The following COPG2 variants were observed in gnomAD, a reference collection of about 807,000 sequenced individuals.
The protein encoded by COPG2 is coat protein complex I subunit gamma 2.
COPG2 carries 37 observed loss-of-function variants against 46.3 expected under a neutral mutation model. That is an observed-to-expected ratio of 0.80 (90% CI 0.61 to 1.05). The LOEUF (loss-of-function observed/expected upper bound fraction) is 1.05, where lower values mean the gene tolerates loss of function less well. Among genes scored for constraint, COPG2 ranks in the 50% least tolerant of loss-of-function variants. COPG2 has a pLI of 0.00. For synonymous variants in COPG2, 159 were observed against 129.7 expected (o/e 1.23, Z -1.53); for missense variants, 427 against 387.8 (o/e 1.10, Z -0.85).
rs373986846 is a variant in COPG2, at chr7:130,508,660, C to A, written c.2150-1G>T. 4 of 761,798 alleles carry A rather than the reference C, an allele frequency of 5.3e-6. No individual in the cohort carries two copies. The highest frequency in any genetic ancestry group is 1.8e-5 in the Admixed American group (1 of 55,650). The allele number at this position is 761,798 out of a possible 1,614,324, so 47.2% of individuals were successfully genotyped here. ...ATGGTGCAGCTAAAGGAGCCTGCAA[C>A]TGGAGGAGAAGGGAGGCAAACCTGC... On this transcript the variant is annotated splice_acceptor_variant, in intron 20 of 23. Coordinates refer to ENST00000425248, the MANE Select transcript of COPG2 (RefSeq NM_012133.6). LOFTEE classifies it high-confidence loss of function.
chr7:130,561,968 C>A (rs1793728590), intron 11 of COPG2, among the ~76,000 whole-genome samples: 1 of 152,154 alleles, frequency 6.6e-6, no homozygotes. Flanking sequence ...AGAGATAACA[C>A]CATATAACCT....
intron 5 of COPG2, among the ~76,000 whole-genome samples, chr7:130,619,148 G>C (rs571281947): frequency 4.6e-5 from 7 of 152,220 alleles, no homozygotes; most frequent in Admixed American, 1.3e-4. Flanking sequence ...TTATCCAACA[G>C]AACTTTTTTC....
At chr7:130,598,991 G>T (rs1794582451) in intron 9 of COPG2, among the ~76,000 whole-genome samples, 1 of 152,116 alleles carries the variant, frequency 6.6e-6, no homozygotes, top group Non-Finnish European at 1.5e-5. Context: ...GTCATGCAAG[G>T]ATTCCAAGCA....
chr7:130,584,293 T>G (rs946146343), intron 9 of COPG2, among the ~76,000 whole-genome samples: 3 of 152,018 alleles, frequency 2.0e-5, no homozygotes, highest in Non-Finnish European at 4.4e-5. Context: ...GCAAAATTGG[T>G]ATACAAGGGA....
intron 20 of COPG2, among the ~76,000 whole-genome samples, chr7:130,528,233 G>C (rs1319625270): frequency 6.6e-6 from 1 of 152,072 alleles, no homozygotes; most frequent in Non-Finnish European, 1.5e-5. Context: ...AGCAGTGAGC[G>C]CTGATGACAA....
intron 5 of COPG2, among the ~76,000 whole-genome samples, chr7:130,641,265 C>T (rs1460140004): frequency 6.6e-6 from 1 of 150,686 alleles, no homozygotes; most frequent in African/African-American, 2.4e-5. Context: ...CCTATAATGA[C>T]ATGTATTTGA....
intron 9 of COPG2, among the ~76,000 whole-genome samples, chr7:130,586,614 C>T (rs1161269729): frequency 2.0e-5 from 3 of 151,932 alleles, no homozygotes; most frequent in Non-Finnish European, 4.4e-5. Flanking sequence ...AGGCACCCGC[C>T]ACCACGCCGG....
Position 130,557,096 on chromosome 7 carries a change from G to A in COPG2, c.1129-1964C>T, listed in dbSNP as rs1793639643. 2.6e-5 allele frequency among the ~76,000 whole-genome samples: 4 copies of A among 152,120 alleles called. No homozygotes were observed. In the South Asian group the frequency reaches 8.3e-4, roughly 32 times the overall value. On this transcript the variant is annotated intron_variant, in intron 12 of 23. Transcript: ENST00000425248. ...AAATATCTTTATTTTTAGATGACAT[G>A]ATGGTATATATGAAAACCCTAGAGA...
chr7:130,644,867 A>G (rs547033866), intron 5 of COPG2, among the ~76,000 whole-genome samples: 1 of 152,056 alleles, frequency 6.6e-6, no homozygotes, highest in East Asian at 1.9e-4. Context: ...TTCGAGACCA[A>G]CCTGGCCAAT....
At chr7:130,633,572 T>C (rs1262874975) in intron 5 of COPG2, among the ~76,000 whole-genome samples, 1 of 152,180 alleles carries the variant, frequency 6.6e-6, no homozygotes, top group African/African-American at 2.4e-5. Context: ...TTTGATGGGG[T>C]GGTTTTTTTC....
chr7:130,586,493 C>T (rs1239776434), intron 9 of COPG2, among the ~76,000 whole-genome samples: 2 of 151,986 alleles, frequency 1.3e-5, no homozygotes, highest in Non-Finnish European at 2.9e-5. Flanking sequence ...GACAGAGTCT[C>T]GCTGTGTTGC....
chr7:130,563,068 G>C (rs1319673276), intron 11 of COPG2, among the ~76,000 whole-genome samples: 2 of 152,140 alleles, frequency 1.3e-5, no homozygotes, highest in African/African-American at 4.8e-5. Context: ...AAAATGCTTA[G>C]AAGTCAGAAA....
chr7:130,638,076 C>T (rs569236339), intron 5 of COPG2, among the ~76,000 whole-genome samples: 11 of 152,254 alleles, frequency 7.2e-5, no homozygotes, highest in African/African-American at 2.2e-4. Flanking sequence ...CAAAGATTGC[C>T]GCCTGTTCCT....
At chr7:130,568,681 G>A (rs1003490993) in intron 9 of COPG2, among the ~76,000 whole-genome samples, 148 of 152,136 alleles carry the variant, frequency 9.7e-4, no homozygotes, top group African/African-American at 3.2e-3. Context: ...AAGAAACAAC[G>A]GACTTAAACT....
In COPG2 at chr7:130,509,029, AAAAAAAAAAAC is replaced by A. The variant is rs573282010; in HGVS notation, c.2150-381_2150-371del. On this transcript the variant is annotated intron_variant, in intron 20 of 23. Transcript: ENST00000425248. ...AGAACCACTGCTGTAGGACCTGACCAAAAAAAAAAACAAAAAAAAAACCTGTGGTAAAAAGC... is the reference window on the plus strand; with the variant it reads ...AGAACCACTGCTGTAGGACCTGACCAAAAAAAAAAACCTGTGGTAAAAAGC... The A allele has an allele frequency of 3.3e-4, 133 of 397,650 alleles. No homozygotes were observed. The Middle Eastern group carries it at 3.7e-3, about 11-fold the overall frequency. 24.6% of individuals were successfully genotyped at this position (397,650 alleles called of 1,614,324 possible). A position where few individuals can be genotyped will look rare whatever the true frequency, so the allele number is the denominator to read the frequency against.
intron 20 of COPG2, among the ~76,000 whole-genome samples, chr7:130,530,326 G>T (rs1304825353): frequency 1.3e-5 from 2 of 152,060 alleles, no homozygotes; most frequent in Admixed American, 6.6e-5. Flanking sequence ...GGAAGAGAAG[G>T]AAGTGGCGGG....
intron 5 of COPG2, among the ~76,000 whole-genome samples, chr7:130,641,530 G>A (rs1554457268): frequency 6.6e-6 from 1 of 152,218 alleles, no homozygotes; most frequent in African/African-American, 2.4e-5. Context: ...ACAACTCCAG[G>A]AAGTATTTAA....
At chr7:130,631,153 T>C (rs1243524050) in intron 5 of COPG2, among the ~76,000 whole-genome samples, 1 of 149,090 alleles carries the variant, frequency 6.7e-6, no homozygotes, top group East Asian at 2.0e-4. Context: ...TGGTTTTTGT[T>C]CCCTTTTCTT....
At chr7:130,511,018 A>C in intron 20 of COPG2, 2 of 517,690 alleles carry the variant, frequency 3.9e-6, no homozygotes, top group South Asian at 2.8e-5. Flanking sequence ...GATTCACTGA[A>C]AATGAGAGTC....
Sources: allele counts gnomAD v4.1 joint callset (sites outside exome capture counted in the v4.1 genomes callset), GRCh38; gene constraint gnomAD v4.1.1; transcripts MANE v1.5; gene names NCBI Gene and HGNC (gene_info 2026-07-23, HGNC 2026-07-21).